PPM1E: variants seen among roughly 807,000 people sequenced by gnomAD.
The protein encoded by PPM1E is protein phosphatase 1E.
A neutral mutation model predicts 65.9 loss-of-function variants in PPM1E; 20 were observed. The ratio of observed to expected loss-of-function variants is 0.30; its 90% CI spans 0.21 to 0.44. The LOEUF (loss-of-function observed/expected upper bound fraction) is 0.44, where lower values mean the gene tolerates loss of function less well. PPM1E is among the 20% of genes least tolerant of loss of function. The pLI, the probability that PPM1E is intolerant of heterozygous loss-of-function variation, is 1.00. For missense variants in PPM1E, 713 were observed against 953.1 expected (o/e 0.75, Z 3.32); for synonymous variants, 352 against 374.9 (o/e 0.94, Z 0.70).
At chr17:58,955,148 TG>T (rs2029867816) in intron 1 of PPM1E, among the ~76,000 whole-genome samples, 4 of 152,264 alleles carry the variant, frequency 2.6e-5, no homozygotes, top group African/African-American at 9.6e-5. Context: ...GCGGATCACC[TG>T]AGGTTGGGAG....
At chr17:58,797,997 G>C (rs186202178) in intron 1 of PPM1E, among the ~76,000 whole-genome samples, 99 of 152,212 alleles carry the variant, frequency 6.5e-4, no homozygotes, top group African/African-American at 1.9e-3. Context: ...ATAGTATCTT[G>C]TACTTTTAAT....
At chr17:58,880,515 A>T (rs1450381967) in intron 1 of PPM1E, among the ~76,000 whole-genome samples, 1 of 152,208 alleles carries the variant, frequency 6.6e-6, no homozygotes, top group African/African-American at 2.4e-5. Context: ...ATATCTCCTG[A>T]ACATGTATGT....
chr17:58,807,141 A>G (rs894489386), intron 1 of PPM1E, among the ~76,000 whole-genome samples: 2 of 152,112 alleles, frequency 1.3e-5, no homozygotes, highest in African/African-American at 4.8e-5. Context: ...TAATTGTTGA[A>G]CTTGGATACA....
At chr17:58,912,448 G>A (rs535345601) in intron 1 of PPM1E, among the ~76,000 whole-genome samples, 6 of 152,324 alleles carry the variant, frequency 3.9e-5, no homozygotes, top group Admixed American at 2.0e-4. Flanking sequence ...ATGATGCAAA[G>A]TGCAAAGGGC....
chr17:58,872,554 T>C (rs1251910695), intron 1 of PPM1E, among the ~76,000 whole-genome samples: 1 of 152,194 alleles, frequency 6.6e-6, no homozygotes, highest in African/African-American at 2.4e-5. Flanking sequence ...GAAAATATGA[T>C]AAAATATAGG....
chr17:58,805,959 AACAAAAAAAAAAAACAAAAAAAAAAC>A (rs2050302963), intron 1 of PPM1E, among the ~76,000 whole-genome samples: 1 of 99,930 alleles, frequency 1.0e-5, no homozygotes, highest in Non-Finnish European at 2.0e-5. Context: ...TAAAAAAAAA[AACAAAAAAAAAAAACAAAAAAAAAAC>A]AAAACAAAAC....
chr17:58,953,995 T>A (rs988140748), intron 1 of PPM1E, among the ~76,000 whole-genome samples: 1 of 152,230 alleles, frequency 6.6e-6, no homozygotes. Context: ...CCACCCGCCT[T>A]GGCCTCCCAA....
chr17:58,862,760 G>A (rs1162772923), intron 1 of PPM1E, among the ~76,000 whole-genome samples: 2 of 152,188 alleles, frequency 1.3e-5, no homozygotes, highest in South Asian at 2.1e-4. Context: ...ATTTTATTAG[G>A]GCCCCAATGA....
chr17:58,887,984 G>T (rs1295654713), intron 1 of PPM1E, among the ~76,000 whole-genome samples: 2 of 152,196 alleles, frequency 1.3e-5, no homozygotes, highest in Admixed American at 1.3e-4. Flanking sequence ...TGTTTATGTG[G>T]TGTACGTGAA....
chr17:58,949,586 G>A (rs2052208607), intron 1 of PPM1E, among the ~76,000 whole-genome samples: 1 of 152,070 alleles, frequency 6.6e-6, no homozygotes, highest in Admixed American at 6.6e-5. Flanking sequence ...TGAGTATTTT[G>A]TGTAACCTTT....
chr17:58,792,021 C>T (rs1404411510), intron 1 of PPM1E, among the ~76,000 whole-genome samples: 4 of 151,954 alleles, frequency 2.6e-5, no homozygotes, highest in Non-Finnish European at 4.4e-5. Context: ...TTATTCCCAT[C>T]TTTGTGTCTT....
Position 58,969,623 on chromosome 17 carries a change from G to A in PPM1E, c.868G>A (p.Val290Ile). ...TATTTATGCCTCCATTCACCTCCAC[G>A]TTAACTTAGTCCGCCAGGAGATGTT... Reference protein sequence around the residue: ...AAIYASIHLHVNLVRQEMFPH... With the variant: ...AAIYASIHLHINLVRQEMFPH... Residue 290 changes from valine to isoleucine, a missense_variant, in exon 4 of 7, where the codon GTT (valine) becomes ATT (isoleucine). Physicochemically the swap from Val to Ile is conservative, Grantham distance 29. Around this residue, in one of 6 missense-constraint regions of PPM1E, gnomAD observed 25 missense variants for 73.9 expected, o/e 0.34. Transcript: ENST00000308249. 3 of 1,614,088 alleles carry A rather than the reference G, an allele frequency of 1.9e-6. No individual in the cohort carries two copies. The highest frequency in any genetic ancestry group is 2.5e-6 in the Non-Finnish European group (3 of 1,179,988).
Position 58,981,046 on chromosome 17 carries a change from A to C in PPM1E, c.*15A>C, listed in dbSNP as rs768265457. The C allele has an allele frequency of 7.1e-6, 11 of 1,540,074 alleles. No homozygotes were observed. The South Asian group carries it at 1.2e-4, about 17-fold the overall frequency. ...AAATAGAATAATTTTTCTTTCAAGT[A>C]GGTTAGCTAGCTCTCCCCCAATAAA... is the stretch of plus-strand genomic sequence containing the variant. On this transcript the variant is annotated 3_prime_UTR_variant, in exon 7 of 7. Transcript: ENST00000308249.
Sources: allele counts gnomAD v4.1 joint callset (sites outside exome capture counted in the v4.1 genomes callset), GRCh38; gene constraint gnomAD v4.1.1; regional missense constraint gnomAD v4.1.1; transcripts MANE v1.5; gene names NCBI Gene and HGNC (gene_info 2026-07-23, HGNC 2026-07-21).